PROX1: variants seen among roughly 807,000 people sequenced by gnomAD.
The protein encoded by PROX1 is prospero homeobox protein 1.
Under a neutral mutation model 58.8 loss-of-function variants are expected in PROX1, and 7 were observed. That is an observed-to-expected ratio of 0.12 (90% CI 0.07 to 0.22). The LOEUF is 0.22. Ranked by LOEUF, PROX1 falls within the 10% of genes least tolerant of loss-of-function variation. PROX1 has a pLI of 1.00. For synonymous variants in PROX1, 350 were observed against 358.3 expected, an observed-to-expected ratio of 0.98 and a Z score of 0.26; for missense variants, 675 against 927.8, an observed-to-expected ratio of 0.73 and a Z score of 3.54.
intron 4 of PROX1, among the ~76,000 whole-genome samples, chr1:214,019,670 C>G (rs909869140): frequency 6.6e-6 from 1 of 152,162 alleles, no homozygotes; most frequent in Non-Finnish European, 1.5e-5. Context: ...TGTGTACAGT[C>G]TGGTCTGTGA....
chr1:214,009,978 G>C (rs1663850921), intron 3 of PROX1, among the ~76,000 whole-genome samples: 1 of 152,084 alleles, frequency 6.6e-6, no homozygotes, highest in South Asian at 2.1e-4. Flanking sequence ...TTACTGCTGA[G>C]ATAAAATGGA....
rs891804394 is a variant in PROX1 at position 214,037,362 on chromosome 1, T to C, written c.*1528T>C. 6.6e-6 allele frequency: 1 copy of C among 152,254 alleles called. No individual in the cohort carries two copies. The highest frequency in any genetic ancestry group is 1.5e-5 in the Non-Finnish European group (1 of 68,050). The allele number at this position is 152,254 out of a possible 1,614,324, so 9.4% of individuals were successfully genotyped here. A position where few individuals can be genotyped will look rare whatever the true frequency, so the allele number is the denominator to read the frequency against. On this transcript the variant is annotated 3_prime_UTR_variant, in exon 5 of 5. Transcript: ENST00000366958. Reference sequence around the variant, plus strand: ...TAAAATGACACAGTAACAAATCTGGTATTTAGAACATATAGAACATAAATG... The same window carrying C: ...TAAAATGACACAGTAACAAATCTGGCATTTAGAACATATAGAACATAAATG...
chr1:214,017,845 C>T (rs988285883), intron 4 of PROX1, among the ~76,000 whole-genome samples: 4 of 152,070 alleles, frequency 2.6e-5, no homozygotes, highest in South Asian at 2.1e-4. Flanking sequence ...TGTCCTTCAG[C>T]GATGAGGAAA....
intron 2 of PROX1, among the ~76,000 whole-genome samples, chr1:214,003,476 G>A (rs1308001075): frequency 6.6e-6 from 1 of 152,142 alleles, no homozygotes; most frequent in Non-Finnish European, 1.5e-5. Flanking sequence ...TTACTGGAGG[G>A]CCTTTCAGCC....
rs1194905797 is a variant in PROX1 at position 213,990,128 on chromosome 1, T to C, written c.-68+1645T>C. ...TTCTCTTTTCCACTCATGCCCTCCC[T>C]TATTTAAAAAAAAAAAAAAAAAGAA... On this transcript the variant is annotated intron_variant, in intron 1 of 4. Coordinates refer to ENST00000366958, the MANE Select transcript of PROX1 (RefSeq NM_001270616.2). Among the ~76,000 whole-genome samples, 5 of 38,348 alleles carry C rather than the reference T, an allele frequency of 1.3e-4. No homozygotes were observed. The East Asian group carries it at 4.1e-3, about 31-fold the overall frequency. The allele number at this position is 38,348 out of a possible 152,430, so 25.2% of individuals were successfully genotyped here.
chr1:213,998,043 CCTT>C lies in PROX1; in HGVS notation c.1511_1513del (p.Phe504del). 1 of 1,612,240 alleles carries C rather than the reference CCTT, an allele frequency of 6.2e-7. No homozygotes were observed. The highest frequency in any genetic ancestry group is 2.2e-5 in the East Asian group (1 of 44,842). On this transcript the variant is annotated inframe_deletion, in exon 2 of 5. Transcript: ENST00000366958. ...AGCCCATTAGGTGCTCCCTCCGGCT[CCTT>C]CTCTGGAAAAGACAGAGCCTCTCCT...
intron 2 of PROX1, among the ~76,000 whole-genome samples, chr1:214,002,412 CT>C (rs774337530): frequency 0.016 from 1,852 of 116,294 alleles, 31 homozygotes; most frequent in African/African-American, 0.052. Context: ...TTTCTTTTTT[CT>C]TTTTTTTTTT....
chr1:214,012,296 AGG>A (rs1323773477), intron 4 of PROX1, among the ~76,000 whole-genome samples: 3 of 152,170 alleles, frequency 2.0e-5, no homozygotes, highest in Admixed American at 6.5e-5. Flanking sequence ...TTCTTTTTGG[AGG>A]AGAGACTCGT....
chr1:214,027,475 T>G (rs1278575314), intron 4 of PROX1, among the ~76,000 whole-genome samples: 1 of 152,174 alleles, frequency 6.6e-6, no homozygotes, highest in Admixed American at 6.5e-5. Flanking sequence ...CTAAGTACAT[T>G]TTCTATTTTG....
At chr1:214,008,790 TA>T (rs1225603066) in intron 3 of PROX1, among the ~76,000 whole-genome samples, 1 of 152,174 alleles carries the variant, frequency 6.6e-6, no homozygotes, top group African/African-American at 2.4e-5. Context: ...CGACCTAGTT[TA>T]ACTCCTAGAG....
At chr1:213,995,596 ATC>A (rs1558168131) in intron 1 of PROX1, among the ~76,000 whole-genome samples, 1 of 152,086 alleles carries the variant, frequency 6.6e-6, no homozygotes, top group Non-Finnish European at 1.5e-5. Context: ...AGATATATTT[ATC>A]TTTATCTCGG....
At chr1:214,006,236 G>A (rs1215299407) in intron 3 of PROX1, among the ~76,000 whole-genome samples, 6 of 147,272 alleles carry the variant, frequency 4.1e-5, no homozygotes, top group South Asian at 2.1e-4. Flanking sequence ...AAACACACTC[G>A]CTCTTCCACT....
intron 4 of PROX1, among the ~76,000 whole-genome samples, chr1:214,031,089 G>A (rs1047411681): frequency 1.3e-5 from 2 of 150,938 alleles, no homozygotes; most frequent in South Asian, 2.1e-4. Flanking sequence ...ATTCGCGCAC[G>A]CACACACACG....
At chr1:214,034,088 A>G (rs567615330) in intron 4 of PROX1, among the ~76,000 whole-genome samples, 1 of 152,322 alleles carries the variant, frequency 6.6e-6, no homozygotes, top group East Asian at 1.9e-4. Flanking sequence ...ATTGGCCCCA[A>G]AAGGAGTCCC....
rs1269599681 is a variant in PROX1, at chr1:214,035,906, A to G, written c.*72A>G. The G allele has an allele frequency of 7.3e-7, 1 of 1,374,152 alleles. No individual in the cohort carries two copies. Among genetic ancestry groups the G allele is most frequent in the Non-Finnish European group, 9.9e-7 (1 of 1,013,712 alleles). The allele number at this position is 1,374,152 out of a possible 1,614,324, so 85.1% of individuals were successfully genotyped here. ...TTGGATGTCCAAGTTATATGTGTCTAGATTTTGATTTCATATATATGTGTA... is the reference window on the plus strand; with the variant it reads ...TTGGATGTCCAAGTTATATGTGTCTGGATTTTGATTTCATATATATGTGTA... On this transcript the variant is annotated 3_prime_UTR_variant, in exon 5 of 5. Coordinates refer to ENST00000366958, the MANE Select transcript of PROX1 (RefSeq NM_001270616.2).
intron 2 of PROX1, 129 bp from the exon 3 acceptor site, chr1:214,005,036 C>T (rs1663656891): frequency 2.9e-6 from 2 of 678,376 alleles, no homozygotes; most frequent in African/African-American, 3.6e-5. Context: ...TAGCCAGTGT[C>T]ATATACCTTC....
At chr1:214,009,144 C>G (rs749230966) in intron 3 of PROX1, among the ~76,000 whole-genome samples, 4 of 152,156 alleles carry the variant, frequency 2.6e-5, no homozygotes, top group Non-Finnish European at 4.4e-5. Flanking sequence ...TGCTGCCTAG[C>G]CAGATTAAGG....
At chr1:214,011,483 G>A (rs758188008) in intron 3 of PROX1, 38 bp from the exon 4 acceptor site, 2 of 1,509,962 alleles carry the variant, frequency 1.3e-6, no homozygotes, top group South Asian at 1.2e-5. Context: ...GAAGAAAATG[G>A]CAATGTTCTT....
intron 2 of PROX1, among the ~76,000 whole-genome samples, chr1:214,000,247 G>A (rs1341868416): frequency 6.6e-6 from 1 of 152,078 alleles, no homozygotes; most frequent in Non-Finnish European, 1.5e-5. Context: ...TTATGGCTGT[G>A]CTTTTTGTTT....
Sources: allele counts gnomAD v4.1 joint callset (sites outside exome capture counted in the v4.1 genomes callset), GRCh38; gene constraint gnomAD v4.1.1; transcripts MANE v1.5; gene names NCBI Gene and HGNC (gene_info 2026-07-23, HGNC 2026-07-21).